The following NCOA2 variants were observed in gnomAD, a reference collection of about 807,000 sequenced individuals.
The protein encoded by NCOA2 is class E basic helix-loop-helix protein 75.
NCOA2 carries 21 observed loss-of-function variants against 145.1 expected under a neutral mutation model. That is an observed-to-expected ratio of 0.14 (90% CI 0.10 to 0.21). The LOEUF is 0.21. NCOA2 is among the 10% of genes least tolerant of loss of function. NCOA2 has a pLI of 1.00. For synonymous variants in NCOA2, 619 were observed against 637.5 expected, an observed-to-expected ratio of 0.97 and a Z score of 0.44; for missense variants, 1,472 against 1,837.6, an observed-to-expected ratio of 0.80 and a Z score of 3.64.
At chr8:70,437,487 G>A in the NCOA2 span, among the ~76,000 whole-genome samples, 5 of 152,224 alleles carry the variant, frequency 3.3e-5, no homozygotes, top group Admixed American at 1.3e-4. Flanking sequence ...GGTGTGTTTG[G>A]AAACTGATAA....
At chr8:70,138,580 A>G (rs1299055530) in intron 14 of NCOA2, among the ~76,000 whole-genome samples, 1 of 152,232 alleles carries the variant, frequency 6.6e-6, no homozygotes, top group Non-Finnish European at 1.5e-5. Flanking sequence ...TAAATACTCA[A>G]AAAAGTTTTT....
chr8:70,157,667 C>G, intron 10 of NCOA2, among the ~76,000 whole-genome samples: 1 of 152,114 alleles, frequency 6.6e-6, no homozygotes, highest in Non-Finnish European at 1.5e-5. Context: ...CATCTGTAAG[C>G]CCAGAGCTCT....
Position 70,357,835 on chromosome 8 carries a change from G to T in NCOA2, c.-77+45865C>A, listed in dbSNP as rs866292323. Among the ~76,000 whole-genome samples, 24 of 152,174 alleles carry T rather than the reference G, an allele frequency of 1.6e-4. No homozygotes were observed. In the East Asian group the frequency reaches 4.6e-3, roughly 29 times the overall value. On this transcript the variant is annotated intron_variant, in intron 1 of 22. Coordinates refer to ENST00000452400, the MANE Select transcript of NCOA2 (RefSeq NM_006540.4). The stretch of plus-strand genomic sequence containing the variant: ...GGAGGCCAAGGCGAGTGGATCACCC[G>T]AAGTCAGGAGTTCAATACCAGCCTG...
chr8:70,131,052 C>A (rs1333120440), intron 16 of NCOA2, among the ~76,000 whole-genome samples: 1 of 152,228 alleles, frequency 6.6e-6, no homozygotes, highest in African/African-American at 2.4e-5. Flanking sequence ...AATAAGCTCA[C>A]TAAGATTAGT....
Position 70,170,801 on chromosome 8 carries a change from G to A in NCOA2, c.364-422C>T, listed in dbSNP as rs369242642. Among the ~76,000 whole-genome samples, 36 of 152,314 alleles carry A rather than the reference G, an allele frequency of 2.4e-4. 1 individual carries two copies. In the South Asian group the frequency reaches 6.2e-3, roughly 26 times the overall value. ...TATAGTTTGTCATGTTATACAATGA[G>A]AGAAAGGGGTCATAATTTTTCCCCA... On this transcript the variant is annotated intron_variant, in intron 5 of 22. Coordinates refer to ENST00000452400, the MANE Select transcript of NCOA2 (RefSeq NM_006540.4).
intron 22 of NCOA2, 104 bp from the exon 23 acceptor site, chr8:70,113,747 A>G (rs1023651431): frequency 1.6e-4 from 181 of 1,150,068 alleles, no homozygotes; most frequent in Non-Finnish European, 2.0e-4. Flanking sequence ...GTTTTCAATA[A>G]AGCAAATCAC....
chr8:70,446,796 A>G, the NCOA2 span, among the ~76,000 whole-genome samples: 1 of 152,196 alleles, frequency 6.6e-6, no homozygotes, highest in South Asian at 2.1e-4. Flanking sequence ...AAAAAGAAAG[A>G]GAAGGATAAG....
At chr8:70,238,374 CT>C (rs1223378554) in intron 2 of NCOA2, among the ~76,000 whole-genome samples, 1 of 152,134 alleles carries the variant, frequency 6.6e-6, no homozygotes, top group Admixed American at 6.5e-5. Context: ...ATTCTCAGAG[CT>C]CCACAATGTA....
rs1320614633 is a variant in NCOA2 at position 70,128,431 on chromosome 8, A to C, written c.3681+2T>G. ...AAGCTAATGGCTGGTATGTTGCCTT[A>C]CCTGTGTTGGTACTCCAGGCCTCAG... On this transcript the variant is annotated splice_donor_variant, in intron 18 of 22. Transcript: ENST00000452400. LOFTEE classifies it high-confidence loss of function. 1 of 1,610,392 alleles carries C rather than the reference A, an allele frequency of 6.2e-7. No individual in the cohort carries two copies. Among genetic ancestry groups the C allele is most frequent in the Non-Finnish European group, 8.5e-7 (1 of 1,178,298 alleles).
chr8:70,130,128 C>G (rs1310853184), intron 16 of NCOA2, among the ~76,000 whole-genome samples: 1 of 152,212 alleles, frequency 6.6e-6, no homozygotes, highest in Non-Finnish European at 1.5e-5. Flanking sequence ...TAATTCTAAA[C>G]ACAGGGATGG....
chr8:70,142,802 A>G (rs1483986165), intron 13 of NCOA2, among the ~76,000 whole-genome samples: 1 of 152,224 alleles, frequency 6.6e-6, no homozygotes, highest in Non-Finnish European at 1.5e-5. Flanking sequence ...TATGGGAAAA[A>G]GGGATTTTAT....
chr8:70,431,066 T>A, the NCOA2 span, among the ~76,000 whole-genome samples: 1 of 152,170 alleles, frequency 6.6e-6, no homozygotes, highest in African/African-American at 2.4e-5. Context: ...CTAAACTCTA[T>A]CTTATGAAAG....
chr8:70,134,593 C>T (rs1809517627), intron 15 of NCOA2, among the ~76,000 whole-genome samples: 1 of 152,238 alleles, frequency 6.6e-6, no homozygotes, highest in Non-Finnish European at 1.5e-5. Flanking sequence ...CTCAGCCTCA[C>T]ATCTGGCGGA....
chr8:70,120,457 A>G (rs1807670499), intron 22 of NCOA2, among the ~76,000 whole-genome samples: 1 of 152,202 alleles, frequency 6.6e-6, no homozygotes, highest in South Asian at 2.1e-4. Context: ...GTGGTGGTTC[A>G]CGCCTATAAT....
intron 22 of NCOA2, among the ~76,000 whole-genome samples, chr8:70,120,003 G>A (rs534592038): frequency 6.6e-6 from 1 of 151,950 alleles, no homozygotes; most frequent in African/African-American, 2.4e-5. Flanking sequence ...CCAAGTAGTT[G>A]GGACTACAGG....
intron 1 of NCOA2, among the ~76,000 whole-genome samples, chr8:70,331,287 T>C (rs984769669): frequency 6.6e-6 from 1 of 152,050 alleles, no homozygotes; most frequent in Non-Finnish European, 1.5e-5. Context: ...AACAACACAA[T>C]AGAGTATAGC....
At chr8:70,190,084 C>A (rs1392344034) in intron 4 of NCOA2, among the ~76,000 whole-genome samples, 1 of 152,098 alleles carries the variant, frequency 6.6e-6, no homozygotes, top group African/African-American at 2.4e-5. Flanking sequence ...CTAATTAGTT[C>A]TCTGAAGTAT....
chr8:70,429,669 A>G, the NCOA2 span, among the ~76,000 whole-genome samples: 1 of 152,236 alleles, frequency 6.6e-6, no homozygotes, highest in Non-Finnish European at 1.5e-5. Flanking sequence ...ATAATTAACC[A>G]TAAATGGAGA....
chr8:70,201,659 A>C (rs1342109337), intron 4 of NCOA2, among the ~76,000 whole-genome samples: 1 of 152,224 alleles, frequency 6.6e-6, no homozygotes, highest in Non-Finnish European at 1.5e-5. Flanking sequence ...TAATAAGAGG[A>C]GGAAAGAACT....
Sources: allele counts gnomAD v4.1 joint callset (sites outside exome capture counted in the v4.1 genomes callset), GRCh38; gene constraint gnomAD v4.1.1; transcripts MANE v1.5; gene names NCBI Gene and HGNC (gene_info 2026-07-23, HGNC 2026-07-21).